The following MATK variants were observed in gnomAD, a reference collection of about 807,000 sequenced individuals.
MATK encodes megakaryocyte-associated tyrosine-protein kinase.
A neutral mutation model predicts 59.8 loss-of-function variants in MATK; 41 were observed. That is an observed-to-expected ratio of 0.69 (90% confidence interval 0.53 to 0.89). MATK has a LOEUF of 0.89. Among genes scored for constraint, MATK ranks in the 40% least tolerant of loss-of-function variants. The pLI is 0.00. For missense variants in MATK, 593 were observed against 719.6 expected (o/e 0.82, Z 2.01); for synonymous variants, 308 against 306.1 (o/e 1.01, Z -0.06).
chr19:3,791,854 T>C (rs1001947947), intron 1 of MATK, among the ~76,000 whole-genome samples: 13 of 151,686 alleles, frequency 8.6e-5, no homozygotes, highest in Non-Finnish European at 2.9e-5. Flanking sequence ...ACACCTGTAA[T>C]CCCAGCACTT....
At chr19:3,789,139 A>G, upstream of MATK, 1 of 573,858 alleles carries the variant, frequency 1.7e-6, no homozygotes, top group Middle Eastern at 3.9e-4. Context: ...AGGGCTGGGG[A>G]CGCTGCAGCT....
At chr19:3,778,455 C>T in intron 13 of MATK, 33 bp from the exon 14 acceptor site, 1 of 1,613,646 alleles carries the variant, frequency 6.2e-7, no homozygotes, top group African/African-American at 1.3e-5. Context: ...GGGGTCAGGG[C>T]CACAGCCTCT....
Position 3,779,814 on chromosome 19 carries a change from G to A in MATK, c.743-17C>T. ...GCAGGACAGCTGGGGGGTGGGGGTGGGGAACGGGGTGAGATCAGGACCCCC... is the reference window on the plus strand; with the variant it reads ...GCAGGACAGCTGGGGGGTGGGGGTGAGGAACGGGGTGAGATCAGGACCCCC... On this transcript the variant is annotated splice_polypyrimidine_tract_variant and intron_variant, in intron 8 of 13. Coordinates refer to ENST00000310132, the MANE Select transcript of MATK (RefSeq NM_139355.3). 1 of 1,517,394 alleles carries A rather than the reference G, an allele frequency of 6.6e-7. No homozygotes were observed. Among genetic ancestry groups the A allele is most frequent in the Non-Finnish European group, 9.1e-7 (1 of 1,093,118 alleles). 94.0% of individuals were successfully genotyped at this position (1,517,394 alleles called of 1,614,324 possible).
At chr19:3,786,418 C>G, upstream of MATK, 1 of 979,700 alleles carries the variant, frequency 1.0e-6, no homozygotes, top group East Asian at 1.1e-4. This position sits in a 1 kb window ranked among gnomAD's most constrained non-coding sequence, Gnocchi z 4.1. Flanking sequence ...CCGCCGGCCC[C>G]TCCCCGCCCC....
chr19:3,778,546 TC>T lies in MATK; in HGVS notation c.1246del (p.Glu416ArgfsTer15), dbSNP rs762944551. 6.2e-7 allele frequency: 1 copy of T among 1,613,766 alleles called. No homozygotes were observed. The highest frequency in any genetic ancestry group is 8.5e-7 in the Non-Finnish European group (1 of 1,179,924). ...DVWSFGVLLW[E>X]VFSYGRAPYP... ...CGGAGCCCGTCCATATGAGAAGACC[TC>T]CCAGAGCAGCACCCCAAAACTCCAG... On this transcript the variant is annotated frameshift_variant, in exon 13 of 14. Coordinates refer to ENST00000310132, the MANE Select transcript of MATK (RefSeq NM_139355.3). LOFTEE classifies it low-confidence loss of function (END_TRUNC).
chr19:3,789,983 C>G (rs752532907), upstream of MATK, among the ~76,000 whole-genome samples: 2 of 152,002 alleles, frequency 1.3e-5, no homozygotes, highest in Non-Finnish European at 2.9e-5. Context: ...CTCACTGCAA[C>G]CTCCATCTCC....
chr19:3,791,962 G>T (rs142897413), intron 1 of MATK, among the ~76,000 whole-genome samples: 2,692 of 152,228 alleles, frequency 0.018, 85 homozygotes, highest in African/African-American at 0.06. Context: ...ACAAAAATTA[G>T]CTGGGCGTGG....
At chr19:3,794,426 G>A (rs1476619575) in intron 1 of MATK, among the ~76,000 whole-genome samples, 1 of 152,116 alleles carries the variant, frequency 6.6e-6, no homozygotes, top group Non-Finnish European at 1.5e-5. Flanking sequence ...GGCTGAGGTG[G>A]GAGGATTGCT....
At chr19:3,779,642 G>C in intron 9 of MATK, 25 bp from the exon 10 acceptor site, 3 of 1,611,016 alleles carry the variant, frequency 1.9e-6, no homozygotes, top group Non-Finnish European at 2.5e-6. Context: ...GTGGGCGTGA[G>C]GGCAGGGCTG....
At chr19:3,779,820 G>A (rs371306526) in intron 8 of MATK, 23 bp from the exon 9 acceptor site, 29 of 1,449,610 alleles carry the variant, frequency 2.0e-5, no homozygotes, top group Admixed American at 6.7e-5. Flanking sequence ...GGTGGGGAAC[G>A]GGGTGAGATC....
At chr19:3,784,975 G>C (rs1378965476) in intron 2 of MATK, 89 bp downstream of exon 2, 21 of 1,447,158 alleles carry the variant, frequency 1.5e-5, no homozygotes, top group Non-Finnish European at 1.9e-5. Flanking sequence ...GGGGGCGATG[G>C]CTGGGCAGGC....
chr19:3,789,546 C>G (rs934647374), upstream of MATK: 3 of 494,126 alleles, frequency 6.1e-6, no homozygotes, highest in Non-Finnish European at 1.1e-5. Flanking sequence ...GTGTTGGGTT[C>G]GCAAATTGTC....
At chr19:3,787,808 G>T (rs1401449484), upstream of MATK, 1 of 134,722 alleles carries the variant, frequency 7.4e-6, no homozygotes. Context: ...ACCCCAAAAG[G>T]CTGTGTGTCT....
In MATK at chr19:3,778,112, C is replaced by G. The variant is rs1312689751; in HGVS notation, c.*71G>C. 2 of 1,499,562 alleles carry G rather than the reference C, an allele frequency of 1.3e-6. No homozygotes were observed. Among genetic ancestry groups the G allele is most frequent in the Non-Finnish European group, 1.8e-6 (2 of 1,135,874 alleles). 92.9% of individuals were successfully genotyped at this position (1,499,562 alleles called of 1,614,324 possible). ...TTGCCCGCCTGGACCCTCCTTGGGC[C>G]TGGTCAGTGCCCCCACGCCGCACTC... On this transcript the variant is annotated 3_prime_UTR_variant, in exon 14 of 14. Coordinates refer to ENST00000310132, the MANE Select transcript of MATK (RefSeq NM_139355.3).
At chr19:3,783,749 G>T (rs2037434153) in intron 6 of MATK, 65 bp downstream of exon 6, 1 of 1,474,442 alleles carries the variant, frequency 6.8e-7, no homozygotes, top group Non-Finnish European at 9.4e-7. Context: ...TCTACGTAGG[G>T]GAGTCTCCGG....
At chr19:3,789,338 G>A (rs934721127), upstream of MATK, 6 of 775,902 alleles carry the variant, frequency 7.7e-6, no homozygotes, top group African/African-American at 1.0e-4. Flanking sequence ...GCAGGGAAAT[G>A]TCCCTGCATG....
In MATK at chr19:3,781,652, G is replaced by T; in HGVS notation, c.697C>A (p.Gln233Lys). ...LARAGWLLNLQHLTLGAQIGE... is the reference protein window; with the variant it reads ...LARAGWLLNLKHLTLGAQIGE... The stretch of plus-strand genomic sequence containing the variant: ...ATCTGTGCTCCCAATGTCAAATGCT[G>T]CAGGTTCAGTAACCAGCCCGCTGTG... The change falls in exon 8 of 14, where the codon CAG becomes AAG. Residue 233 changes from glutamine (Q) to lysine (K), a missense_variant. Transcript: ENST00000310132. The T allele has an allele frequency of 1.9e-6, 3 of 1,613,724 alleles. No homozygotes were observed. The highest frequency in any genetic ancestry group is 2.5e-6 in the Non-Finnish European group (3 of 1,179,956).
Position 3,781,533 on chromosome 19 carries a change from A to G in MATK, c.742+74T>C, listed in dbSNP as rs1379810268. 3.3e-6 allele frequency: 5 copies of G among 1,503,880 alleles called. No individual in the cohort carries two copies. In the East Asian group the frequency reaches 9.0e-5, roughly 27 times the overall value. The allele number at this position is 1,503,880 out of a possible 1,614,324, so 93.2% of individuals were successfully genotyped here. On this transcript the variant is annotated intron_variant, in intron 8 of 13. Coordinates refer to ENST00000310132, the MANE Select transcript of MATK (RefSeq NM_139355.3). ...GGTGGTTAAGTATGGGTTTGAATTC[A>G]GCTCTGTGACTCCAAAGCCTCAATA...
At chr19:3,797,441 T>A (rs1316192346) in intron 1 of MATK, among the ~76,000 whole-genome samples, 1 of 151,208 alleles carries the variant, frequency 6.6e-6, no homozygotes, top group Non-Finnish European at 1.5e-5. Context: ...GGACTACAGG[T>A]GCCTGCCACC....
Sources: allele counts gnomAD v4.1 joint callset (sites outside exome capture counted in the v4.1 genomes callset), GRCh38; gene constraint gnomAD v4.1.1; non-coding constraint Gnocchi (gnomAD v3.1); transcripts MANE v1.5; gene names NCBI Gene and HGNC (gene_info 2026-07-23, HGNC 2026-07-21).